Variants in ATP12A observed in about 807,000 individuals in gnomAD.
ATP12A encodes the protein ATPase H+/K+ transporting non-gastric alpha2 subunit, also known as potassium-transporting ATPase alpha chain 2.
ATP12A carries 81 observed loss-of-function variants against 111.2 expected under a neutral mutation model. The observed-to-expected ratio is 0.73, with a 90% confidence interval of 0.61 to 0.88. ATP12A has a LOEUF of 0.88. Among genes scored for constraint, ATP12A ranks in the 40% least tolerant of loss-of-function variants. The pLI is 0.00. For missense variants in ATP12A, 1,196 were observed against 1,313.1 expected, an observed-to-expected ratio of 0.91 and a Z score of 1.38; for synonymous variants, 498 against 499.8, an observed-to-expected ratio of 1.00 and a Z score of 0.05.
chr13:24,681,767 C>T (rs767250949), intron 2 of ATP12A, 47 bp downstream of exon 2: 5 of 1,609,972 alleles, frequency 3.1e-6, no homozygotes, highest in East Asian at 4.5e-5. Flanking sequence ...GGCCCTTCCC[C>T]GCAAGAGCTT....
chr13:24,685,076 G>A lies in ATP12A; in HGVS notation c.169-238G>A, dbSNP rs944561702. Among the ~76,000 whole-genome samples the A allele has an allele frequency of 5.3e-5, 8 of 152,180 alleles. No homozygotes were observed. Among genetic ancestry groups the A allele is most frequent in the Admixed American group, 4.6e-4 (7 of 15,284 alleles). ...TTCAGAAAAGCTGCAGGCAGCTTCT[G>A]GGTAGTAACAGCAAGTGCAGGATTG... On this transcript the variant is annotated intron_variant, in intron 2 of 22. Transcript: ENST00000381946. This position sits in a 1 kb window ranked among gnomAD's most constrained non-coding sequence, Gnocchi z 5.5.
chr13:24,703,562 G>A (rs1875487765), intron 14 of ATP12A: 1 of 152,178 alleles, frequency 6.6e-6, no homozygotes, highest in Non-Finnish European at 1.5e-5. Context: ...TTTTTTAAGA[G>A]TAGTCAAGTG....
intron 12 of ATP12A, among the ~76,000 whole-genome samples, chr13:24,700,354 C>T (rs1297878846): frequency 6.6e-6 from 1 of 152,214 alleles, no homozygotes; most frequent in East Asian, 1.9e-4. Context: ...TCAAGCTTCA[C>T]CTCACATGTG....
intron 8 of ATP12A, among the ~76,000 whole-genome samples, 194 bp from the exon 9 acceptor site, chr13:24,692,235 T>C (rs1481185191): frequency 6.6e-6 from 1 of 152,006 alleles, no homozygotes; most frequent in Non-Finnish European, 1.5e-5. Flanking sequence ...TAAAAAAGGA[T>C]TGTGGCATAG....
At position 24,701,996 on chromosome 13, in the gene ATP12A, T is replaced by C; in HGVS notation, c.1943T>C (p.Ile648Thr). Residue 648 changes from isoleucine (I) to threonine (T), a missense_variant, in exon 14 of 23, where the codon ATC (isoleucine) becomes ACC (threonine). This residue lies in a region of ATP12A where 1,126 missense variants were observed against 1,228.5 expected (regional missense o/e 0.92). Transcript: ENST00000381946. ...AAAGCTATTGCCAAGAGTGTGGGGA[T>C]CATTTCAGCCAACAGTGAAACAGTG... ...TAKAIAKSVG[I>T]ISANSETVED... 6.2e-7 allele frequency: 1 copy of C among 1,614,214 alleles called. No individual in the cohort carries two copies. Among genetic ancestry groups the C allele is most frequent in the Non-Finnish European group, 8.5e-7 (1 of 1,180,042 alleles).
intron 4 of ATP12A, 21 bp downstream of exon 4, chr13:24,688,543 C>A: frequency 6.7e-7 from 1 of 1,498,696 alleles, no homozygotes. Context: ...GGGGTGTCCC[C>A]TCCTGGTTTT....
Position 24,698,742 on chromosome 13 carries a change from T to C in ATP12A, c.1597T>C (p.Cys533Arg). The change falls in exon 12 of 23, where the codon TGC (cysteine) becomes CGC (arginine). Residue 533 changes from cysteine to arginine, a missense_variant. By Grantham distance (180) the Cys-to-Arg change is radical (BLOSUM62 -3). Around this residue, in one of 3 missense-constraint regions of ATP12A, gnomAD observed 1,126 missense variants for 1,228.5 expected, o/e 0.92. Coordinates refer to ENST00000381946, the MANE Select transcript of ATP12A (RefSeq NM_001676.7). ...KGAPERILEK[C>R]STIMINGEEH... ...GGCCCCTGAGCGCATCCTAGAGAAA[T>C]GCAGCACCATCATGATCAACGGCGA... 6.2e-7 allele frequency: 1 copy of C among 1,613,970 alleles called. No homozygotes were observed. The highest frequency in any genetic ancestry group is 1.1e-5 in the South Asian group (1 of 91,064).
rs996701898 is a variant in ATP12A, at chr13:24,685,144, C to T, written c.169-170C>T. 1.3e-5 allele frequency among the ~76,000 whole-genome samples: 2 copies of T among 152,176 alleles called. No individual in the cohort carries two copies. Among genetic ancestry groups the T allele is most frequent in the African/African-American group, 2.4e-5 (1 of 41,444 alleles). ...TCACTCCTGAGGCAGTGCCATCCTT[C>T]GCTGGGCAGCTGCCTGGCACAGGGG... On this transcript the variant is annotated intron_variant, in intron 2 of 22. Transcript: ENST00000381946. The surrounding 1 kb of genome is among the most constrained non-coding windows in gnomAD (Gnocchi z 5.5).
chr13:24,708,915 A>AAG (rs1491550001), intron 17 of ATP12A, among the ~76,000 whole-genome samples: 1 of 121,480 alleles, frequency 8.2e-6, no homozygotes, highest in Non-Finnish European at 1.7e-5. Flanking sequence ...GAAAGAAAGA[A>AAG]AGAAAGAAAG....
Position 24,692,414 on chromosome 13 carries a change from T to C in ATP12A, c.1069-15T>C. The C allele has an allele frequency of 1.9e-6, 3 of 1,612,508 alleles. No individual in the cohort carries two copies. The highest frequency in any genetic ancestry group is 2.5e-6 in the Non-Finnish European group (3 of 1,179,800). On this transcript the variant is annotated splice_polypyrimidine_tract_variant and intron_variant, in intron 8 of 22. Coordinates refer to ENST00000381946, the MANE Select transcript of ATP12A (RefSeq NM_001676.7). ...ATGAGGATTTTTCCCAAAGCGTCCTTCCCTCTCCTGCTAGGTGACCCTGTC... is the reference window on the plus strand; with the variant it reads ...ATGAGGATTTTTCCCAAAGCGTCCTCCCCTCTCCTGCTAGGTGACCCTGTC...
chr13:24,708,730 CAAAT>C (rs1875773405), intron 17 of ATP12A, among the ~76,000 whole-genome samples: 1 of 150,314 alleles, frequency 6.7e-6, no homozygotes, highest in Non-Finnish European at 1.5e-5. Flanking sequence ...AAATTAAGAA[CAAAT>C]AAAATAAAAA....
chr13:24,680,694 G>A lies in ATP12A; in HGVS notation c.-50G>A. Reference sequence around the variant, plus strand: ...CCCCACCGTGCGCTCCGCCGCTGCGGTCCCGGATCCGCGCTCCACGCCCGC... The same window carrying A: ...CCCCACCGTGCGCTCCGCCGCTGCGATCCCGGATCCGCGCTCCACGCCCGC... On this transcript the variant is annotated 5_prime_UTR_variant, in exon 1 of 23. Coordinates refer to ENST00000381946, the MANE Select transcript of ATP12A (RefSeq NM_001676.7). The A allele has an allele frequency of 6.7e-7, 1 of 1,501,206 alleles. No individual in the cohort carries two copies. Among genetic ancestry groups the A allele is most frequent in the Admixed American group, 2.1e-5 (1 of 47,758 alleles). The allele number at this position is 1,501,206 out of a possible 1,614,324, so 93.0% of individuals were successfully genotyped here. A position where few individuals can be genotyped will look rare whatever the true frequency, so the allele number is the denominator to read the frequency against.
chr13:24,692,425 C>T lies in ATP12A; in HGVS notation c.1069-4C>T, dbSNP rs1837197539. 2.5e-6 allele frequency: 4 copies of T among 1,613,250 alleles called. No individual in the cohort carries two copies. The highest frequency in any genetic ancestry group is 3.4e-6 in the Non-Finnish European group (4 of 1,179,966). Reference sequence around the variant, plus strand: ...TCCCAAAGCGTCCTTCCCTCTCCTGCTAGGTGACCCTGTCGCTGACAGCAA... The same window carrying T: ...TCCCAAAGCGTCCTTCCCTCTCCTGTTAGGTGACCCTGTCGCTGACAGCAA... On this transcript the variant is annotated splice_region_variant and splice_polypyrimidine_tract_variant and intron_variant, in intron 8 of 22. Coordinates refer to ENST00000381946, the MANE Select transcript of ATP12A (RefSeq NM_001676.7).
In ATP12A at chr13:24,685,199, G is replaced by A. The variant is rs550283278; in HGVS notation, c.169-115G>A. ...TTCTCTCCTGTCCCCCACACTCCTC[G>A]ATCCCCTCCCATCCTCAGGGCTGCT... On this transcript the variant is annotated intron_variant, in intron 2 of 22. Transcript: ENST00000381946. This position sits in a 1 kb window ranked among gnomAD's most constrained non-coding sequence, Gnocchi z 5.5. 10 of 963,082 alleles carry A rather than the reference G, an allele frequency of 1.0e-5. No individual in the cohort carries two copies. In the South Asian group the frequency reaches 1.1e-4, roughly 11 times the overall value. 59.7% of individuals were successfully genotyped at this position (963,082 alleles called of 1,614,324 possible).
chr13:24,690,664 C>A lies in ATP12A; in HGVS notation c.742C>A (p.His248Asn). 1 of 1,614,030 alleles carries A rather than the reference C, an allele frequency of 6.2e-7. No homozygotes were observed. The highest frequency in any genetic ancestry group is 1.1e-5 in the South Asian group (1 of 91,054). Residue 248 changes from histidine to asparagine, a missense_variant, in exon 7 of 23, where the codon CAT becomes AAT. Around this residue, in one of 3 missense-constraint regions of ATP12A, gnomAD observed 1,126 missense variants for 1,228.5 expected, o/e 0.92. Transcript: ENST00000381946. ...CCAGCCCCGCTCCTCTGAGTTTACCCATGAAAACCCCCTGGAAACAAAGAA... is the reference window on the plus strand; with the variant it reads ...CCAGCCCCGCTCCTCTGAGTTTACCAATGAAAACCCCCTGGAAACAAAGAA... ...EPQPRSSEFTHENPLETKNIC... is the reference protein window; with the variant it reads ...EPQPRSSEFTNENPLETKNIC...
chr13:24,680,766 C>CG lies in ATP12A; in HGVS notation c.9+14_9+15insG. Reference sequence around the variant, plus strand: ...AGCATGCACCAGGTGCGTGCAGCCCCCGCGCCGGCCGAGGATGCGAGACGC... The same window carrying CG: ...AGCATGCACCAGGTGCGTGCAGCCCCGCGCGCCGGCCGAGGATGCGAGACGC... On this transcript the variant is annotated intron_variant, in intron 1 of 22. Transcript: ENST00000381946. 1 of 1,488,842 alleles carries CG rather than the reference C, an allele frequency of 6.7e-7. No homozygotes were observed. Among genetic ancestry groups the CG allele is most frequent in the East Asian group, 2.8e-5 (1 of 35,258 alleles). 92.2% of individuals were successfully genotyped at this position (1,488,842 alleles called of 1,614,324 possible).
rs1366837501 is a variant in ATP12A, at chr13:24,691,099, T to G, written c.917T>G (p.Phe306Cys). The change falls in exon 8 of 23, where the codon TTT becomes TGT. Residue 306 changes from phenylalanine to cysteine, a missense_variant. Transcript: ENST00000381946. ...KTPIAIEIEH[F>C]VHIVAGVAVS... ...CCCATTGCCATTGAGATCGAGCACT[T>G]TGTTCACATTGTGGCAGGAGTGGCT... 3 of 1,614,110 alleles carry G rather than the reference T, an allele frequency of 1.9e-6. No homozygotes were observed. In the African/African-American group the frequency reaches 4.0e-5, roughly 22 times the overall value.
intron 11 of ATP12A, among the ~76,000 whole-genome samples, chr13:24,696,990 C>A (rs1875195419): frequency 6.6e-6 from 1 of 152,134 alleles, no homozygotes; most frequent in Non-Finnish European, 1.5e-5. Context: ...CAGTTTACGG[C>A]AAATTGGAAA....
chr13:24,700,987 T>A (rs1875370672), intron 13 of ATP12A, 65 bp downstream of exon 13: 3 of 1,553,726 alleles, frequency 1.9e-6, no homozygotes, highest in Non-Finnish European at 2.6e-6. Flanking sequence ...TAATAATGGT[T>A]TTCATAGCAG....
Sources: allele counts gnomAD v4.1 joint callset (sites outside exome capture counted in the v4.1 genomes callset), GRCh38; gene constraint gnomAD v4.1.1; regional missense constraint gnomAD v4.1.1; non-coding constraint Gnocchi (gnomAD v3.1); transcripts MANE v1.5; gene names NCBI Gene and HGNC (gene_info 2026-07-23, HGNC 2026-07-21).